The following RBFOX2 variants were observed in gnomAD, a reference collection of about 807,000 sequenced individuals.
RBFOX2 encodes RNA binding protein fox-1 homolog 2.
RBFOX2 carries 10 observed loss-of-function variants against 49.1 expected under a neutral mutation model. The ratio of observed to expected loss-of-function variants is 0.20; its 90% CI spans 0.13 to 0.35. The LOEUF is 0.35. RBFOX2 is among the 10% of genes least tolerant of loss of function. The pLI, the probability that RBFOX2 is intolerant of heterozygous loss-of-function variation, is 1.00. For synonymous variants in RBFOX2, 183 were observed against 187.4 expected, an observed-to-expected ratio of 0.98 and a Z score of 0.19; for missense variants, 323 against 486.9, an observed-to-expected ratio of 0.66 and a Z score of 3.17.
intron 1 of RBFOX2, among the ~76,000 whole-genome samples, chr22:36,007,104 C>G (rs1319593940): frequency 6.6e-6 from 1 of 152,152 alleles, no homozygotes; most frequent in Non-Finnish European, 1.5e-5. Flanking sequence ...ATGATTTGCA[C>G]TTGACCCTTT....
intron 1 of RBFOX2, among the ~76,000 whole-genome samples, chr22:35,919,012 T>TGGTATA (rs2050730058): frequency 6.6e-6 from 1 of 151,954 alleles, no homozygotes; most frequent in African/African-American, 2.4e-5. Flanking sequence ...AAATAAGATG[T>TGGTATA]GGTATATCCA....
At chr22:35,993,257 C>T (rs1020925893) in intron 1 of RBFOX2, 2 of 152,168 alleles carry the variant, frequency 1.3e-5, no homozygotes, top group African/African-American at 4.8e-5. Flanking sequence ...ACTGAAATAG[C>T]AGCTGAGGGT....
intron 1 of RBFOX2, among the ~76,000 whole-genome samples, chr22:35,882,076 G>C (rs532134537): frequency 4.7e-4 from 71 of 152,190 alleles, no homozygotes; most frequent in Middle Eastern, 3.4e-3. Context: ...AAACTTTCCT[G>C]GTTAGCTGAG....
intron 1 of RBFOX2, among the ~76,000 whole-genome samples, chr22:35,863,344 T>A (rs535581727): frequency 6.6e-6 from 1 of 152,136 alleles, no homozygotes; most frequent in African/African-American, 2.4e-5. Flanking sequence ...AAAATTGAAG[T>A]GATTTTTATG....
intron 1 of RBFOX2, among the ~76,000 whole-genome samples, chr22:35,975,353 T>C (rs2057093971): frequency 6.6e-6 from 1 of 152,204 alleles, no homozygotes; most frequent in Non-Finnish European, 1.5e-5. Context: ...GCTCACTTAC[T>C]AGTCATATGA....
At chr22:35,913,191 T>C (rs1261769484) in intron 1 of RBFOX2, among the ~76,000 whole-genome samples, 1 of 152,078 alleles carries the variant, frequency 6.6e-6, no homozygotes, top group Non-Finnish European at 1.5e-5. Flanking sequence ...AAGTAAACCG[T>C]GGCCAGTTGC....
chr22:35,816,616 G>A (rs1051254591), intron 1 of RBFOX2, among the ~76,000 whole-genome samples: 2 of 152,090 alleles, frequency 1.3e-5, no homozygotes, highest in African/African-American at 4.8e-5. Flanking sequence ...TTTACCTTCA[G>A]GTTGAATTCT....
exon 12 of RBFOX2, chr22:35,739,853 C>T (rs1928950597): frequency 6.6e-6 from 1 of 152,628 alleles, no homozygotes; most frequent in Admixed American, 6.5e-5. Context: ...TGCTGGTGGC[C>T]TCCTAAAAGG....
intron 1 of RBFOX2, among the ~76,000 whole-genome samples, chr22:35,851,755 G>A (rs2041962285): frequency 6.6e-6 from 1 of 151,174 alleles, no homozygotes; most frequent in South Asian, 2.1e-4. Context: ...TTGAACCCAG[G>A]AGGCGAAGGC....
chr22:35,820,117 G>A (rs1013282928), intron 1 of RBFOX2, among the ~76,000 whole-genome samples: 1 of 152,182 alleles, frequency 6.6e-6, no homozygotes, highest in African/African-American at 2.4e-5. Context: ...TGGGGAAAGA[G>A]GGACGTTGAT....
chr22:35,794,120 G>A (rs998551344), intron 2 of RBFOX2, among the ~76,000 whole-genome samples: 4 of 152,182 alleles, frequency 2.6e-5, no homozygotes, highest in African/African-American at 9.6e-5. Flanking sequence ...TAGAATGAAA[G>A]AAATTTGTTA....
intron 1 of RBFOX2, among the ~76,000 whole-genome samples, chr22:36,007,156 C>T (rs1438342475): frequency 6.6e-6 from 1 of 152,126 alleles, no homozygotes; most frequent in Non-Finnish European, 1.5e-5. Flanking sequence ...TACACATTCA[C>T]CATTTCTAAT....
chr22:35,783,257 C>T (rs1233400813), intron 2 of RBFOX2, among the ~76,000 whole-genome samples: 1 of 152,154 alleles, frequency 6.6e-6, no homozygotes, highest in African/African-American at 2.4e-5. Flanking sequence ...CCGTGGGCCA[C>T]CCCATTAAGC....
chr22:35,901,511 C>T (rs1035403585), intron 1 of RBFOX2, among the ~76,000 whole-genome samples: 1 of 151,884 alleles, frequency 6.6e-6, no homozygotes, highest in Non-Finnish European at 1.5e-5. Context: ...CAACAACAAA[C>T]GACAGAGATA....
chr22:35,861,476 TAAAAAATGGGCAA>T (rs1325265312), intron 1 of RBFOX2, among the ~76,000 whole-genome samples: 1 of 151,998 alleles, frequency 6.6e-6, no homozygotes, highest in Non-Finnish European at 1.5e-5. Flanking sequence ...CCACGTTTTT[TAAAAAATGGGCAA>T]AAAAAATGAA....
intron 1 of RBFOX2, among the ~76,000 whole-genome samples, chr22:35,825,420 C>G (rs1172341207): frequency 2.2e-5 from 3 of 137,610 alleles, no homozygotes; most frequent in Non-Finnish European, 4.7e-5. Flanking sequence ...TAAATTTTGA[C>G]TAAGTGAAAA....
At chr22:35,943,917 A>G (rs2053977381) in intron 1 of RBFOX2, among the ~76,000 whole-genome samples, 1 of 152,202 alleles carries the variant, frequency 6.6e-6, no homozygotes, top group South Asian at 2.1e-4. Flanking sequence ...AAAAAACCCA[A>G]CTGCCAATGG....
intron 1 of RBFOX2, among the ~76,000 whole-genome samples, chr22:35,837,289 G>A (rs949904311): frequency 1.3e-5 from 2 of 152,298 alleles, no homozygotes; most frequent in African/African-American, 2.4e-5. Context: ...GGAAACTGGG[G>A]ACTACAGAGA....
At chr22:35,810,188 GAC>G (rs58254412) in intron 1 of RBFOX2, among the ~76,000 whole-genome samples, 184 bp from the exon 3 acceptor site, 98,513 of 142,428 alleles carry the variant, frequency 0.69, 34,854 homozygotes, top group Admixed American at 0.78. Flanking sequence ...TATGTGGACA[GAC>G]ACACACACAC....
Sources: gnomAD v4.1 joint callset for allele counts (sites outside exome capture counted in the v4.1 genomes callset) on GRCh38, gnomAD v4.1.1 for gene constraint, MANE v1.5 for transcripts, NCBI Gene and HGNC (gene_info 2026-07-23, HGNC 2026-07-21) for gene names.